The following ASPH variants were observed in gnomAD, a reference collection of about 807,000 sequenced individuals.
ASPH encodes the protein aspartyl/asparaginyl beta-hydroxylase.
A neutral mutation model predicts 118.4 loss-of-function variants in ASPH; 100 were observed. The ratio of observed to expected loss-of-function variants is 0.84; its 90% CI spans 0.72 to 1.00. ASPH has a LOEUF of 1.00. Among genes scored for constraint, ASPH ranks in the 50% least tolerant of loss-of-function variants. The pLI, the probability that ASPH is intolerant of heterozygous loss-of-function variation, is 0.00. For synonymous variants in ASPH, 315 were observed against 325.6 expected, an observed-to-expected ratio of 0.97 and a Z score of 0.35; for missense variants, 920 against 919.5, an observed-to-expected ratio of 1.00 and a Z score of -0.01.
intron 1 of ASPH, among the ~76,000 whole-genome samples, chr8:61,711,923 C>A (rs1838154151): frequency 6.6e-6 from 1 of 152,122 alleles, no homozygotes; most frequent in South Asian, 2.1e-4. Context: ...ATAGTTTTCT[C>A]CAATAATTAA....
At chr8:61,561,075 A>AGAGG (rs1165844240) in intron 18 of ASPH, among the ~76,000 whole-genome samples, 1 of 77,916 alleles carries the variant, frequency 1.3e-5, no homozygotes, top group South Asian at 6.1e-4. Context: ...AGGAAGGGAG[A>AGAGG]GAGGGAGGGA....
intron 14 of ASPH, among the ~76,000 whole-genome samples, chr8:61,600,025 G>A (rs1587905648): frequency 6.6e-6 from 1 of 151,988 alleles, no homozygotes; most frequent in African/African-American, 2.4e-5. Flanking sequence ...TATTAGCAAA[G>A]TGAATCCAAC....
chr8:61,663,202 T>C, intron 3 of ASPH: 1 of 985,372 alleles, frequency 1.0e-6, no homozygotes, highest in Non-Finnish European at 1.2e-6. Context: ...TTTCAAAGCC[T>C]CACTTTCTTG....
At chr8:61,622,252 C>T (rs1376494341) in intron 13 of ASPH, among the ~76,000 whole-genome samples, 2 of 152,186 alleles carry the variant, frequency 1.3e-5, no homozygotes, top group African/African-American at 2.4e-5. Flanking sequence ...GCAGGAGAAT[C>T]GCTTGAATCC....
intron 2 of ASPH, 85 bp downstream of exon 2, chr8:61,683,954 A>G: frequency 6.8e-7 from 1 of 1,472,116 alleles, no homozygotes; most frequent in Admixed American, 1.9e-5. Flanking sequence ...TACCAGTACC[A>G]GAAAGATGAT....
intron 13 of ASPH, among the ~76,000 whole-genome samples, chr8:61,620,882 T>C (rs547562349): frequency 1.3e-5 from 2 of 152,348 alleles, no homozygotes; most frequent in East Asian, 1.9e-4. Flanking sequence ...TCTCCACAGA[T>C]CTTCCCACTC....
intron 1 of ASPH, among the ~76,000 whole-genome samples, chr8:61,709,251 T>C (rs905159436): frequency 1.3e-5 from 2 of 151,914 alleles, no homozygotes; most frequent in Non-Finnish European, 2.9e-5. Context: ...ATCCCTCACA[T>C]CAGGGGAATA....
At chr8:61,636,572 C>A (rs546484282) in intron 12 of ASPH, among the ~76,000 whole-genome samples, 4 of 152,160 alleles carry the variant, frequency 2.6e-5, no homozygotes, top group African/African-American at 9.7e-5. Context: ...AGGTGCATAG[C>A]CAGGTGCCTC....
intron 5 of ASPH, among the ~76,000 whole-genome samples, chr8:61,647,181 G>A (rs1464436917): frequency 1.3e-5 from 2 of 152,064 alleles, no homozygotes; most frequent in African/African-American, 4.8e-5. Flanking sequence ...GCTAAAGGAA[G>A]CACTCAATAA....
intron 22 of ASPH, among the ~76,000 whole-genome samples, chr8:61,525,486 T>C (rs981398460): frequency 6.6e-6 from 1 of 152,194 alleles, no homozygotes; most frequent in African/African-American, 2.4e-5. Context: ...GTTATTATTG[T>C]CTTGTCACTC....
At chr8:61,677,303 A>C (rs1287165002) in intron 3 of ASPH, among the ~76,000 whole-genome samples, 1 of 152,154 alleles carries the variant, frequency 6.6e-6, no homozygotes, top group Admixed American at 6.6e-5. Flanking sequence ...TCTTAGCTCT[A>C]GTAGGTATCA....
At chr8:61,639,230 TCTTAAG>T (rs1364307791) in intron 10 of ASPH, among the ~76,000 whole-genome samples, 2 of 152,142 alleles carry the variant, frequency 1.3e-5, no homozygotes, top group Non-Finnish European at 2.9e-5. Context: ...TACCACTCTT[TCTTAAG>T]CTTGCTTCTC....
intron 1 of ASPH, chr8:61,689,674 T>G (rs1226425647): frequency 6.3e-7 from 1 of 1,590,534 alleles, no homozygotes; most frequent in African/African-American, 1.3e-5. Flanking sequence ...AAAATATACC[T>G]TTATCTTCAG....
At position 61,679,952 on chromosome 8, in the gene ASPH, A is replaced by AC. The variant is rs1461912920; in HGVS notation, c.322+1015_322+1016insG. Among the ~76,000 whole-genome samples, 3 of 149,920 alleles carry AC rather than the reference A, an allele frequency of 2.0e-5. 1 individual carries two copies. Among genetic ancestry groups the AC allele is most frequent in the African/African-American group, 7.3e-5 (3 of 41,158 alleles). On this transcript the variant is annotated intron_variant, in intron 3 of 24. Transcript: ENST00000379454. ...CCCAATGGGCAATAATAAAAAAAAA[A>AC]AAAAAACAAAAAACACCAACACAGG...
chr8:61,523,084 G>A (rs554307347), intron 22 of ASPH, among the ~76,000 whole-genome samples: 2 of 152,180 alleles, frequency 1.3e-5, no homozygotes, highest in East Asian at 3.9e-4. Flanking sequence ...ACTAGACAAC[G>A]GCTAAATCTT....
intron 3 of ASPH, among the ~76,000 whole-genome samples, chr8:61,673,740 TA>T (rs1823798540): frequency 6.6e-6 from 1 of 152,196 alleles, no homozygotes; most frequent in Admixed American, 6.5e-5. Flanking sequence ...TAAGGTGAAG[TA>T]ATTTTGATCA....
At chr8:61,667,285 C>A (rs868742992) in intron 3 of ASPH, among the ~76,000 whole-genome samples, 6 of 152,252 alleles carry the variant, frequency 3.9e-5, no homozygotes, top group African/African-American at 1.4e-4. Flanking sequence ...AACATATGAA[C>A]AAGAATAACC....
chr8:61,632,346 ATATAT>A (rs1167533956), intron 13 of ASPH, among the ~76,000 whole-genome samples: 4 of 152,212 alleles, frequency 2.6e-5, no homozygotes, highest in Non-Finnish European at 5.9e-5. Flanking sequence ...ATAACTAGAA[ATATAT>A]TAATTTGTAC....
chr8:61,662,974 AC>A lies in ASPH; in HGVS notation c.323-9315del, dbSNP rs759944800. 2.0e-3 allele frequency: 2,015 copies of A among 985,428 alleles called. 2 individuals are homozygous for A. Among genetic ancestry groups the A allele is most frequent in the Non-Finnish European group, 2.3e-3 (1,888 of 829,916 alleles). 61.0% of individuals were successfully genotyped at this position (985,428 alleles called of 1,614,324 possible). ...GAACTTAAAAACTAAGGTAAAAATT[AC>A]CAGAATGCTCTCAACAAATTCACTT... is the stretch of plus-strand genomic sequence containing the variant. On this transcript the variant is annotated intron_variant, in intron 3 of 24. Coordinates refer to ENST00000379454, the MANE Select transcript of ASPH (RefSeq NM_004318.4).
Sources: gnomAD v4.1 joint callset for allele counts (sites outside exome capture counted in the v4.1 genomes callset) on GRCh38, gnomAD v4.1.1 for gene constraint, MANE v1.5 for transcripts, NCBI Gene and HGNC (gene_info 2026-07-23, HGNC 2026-07-21) for gene names.